KIAA1671: variants seen among roughly 807,000 people sequenced by gnomAD.
KIAA1671 encodes the protein uncharacterized protein KIAA1671.
In KIAA1671, 52 loss-of-function variants were observed where a neutral mutation model predicts 131.2. That is an observed-to-expected ratio of 0.40 (90% CI 0.32 to 0.50). The LOEUF is 0.50. Ranked by LOEUF, KIAA1671 falls within the 20% of genes least tolerant of loss-of-function variation. The pLI is 0.73. For missense variants in KIAA1671, 2,360 were observed against 2,364.2 expected, an observed-to-expected ratio of 1.00 and a Z score of 0.04; for synonymous variants, 1,003 against 961.6, an observed-to-expected ratio of 1.04 and a Z score of -0.80.
intron 6 of KIAA1671, among the ~76,000 whole-genome samples, chr22:25,085,881 A>G (rs1929692557): frequency 6.6e-6 from 1 of 152,096 alleles, no homozygotes; most frequent in African/African-American, 2.4e-5. Flanking sequence ...CATAGTAGGC[A>G]CTCAATAAAT....
Position 25,185,054 on chromosome 22 carries a change from G to C in KIAA1671, c.5277G>C (p.Lys1759Asn), listed in dbSNP as rs1242025868. The part of the protein sequence containing the change: ...PSWAPQPKSP[K>N]SPFQPGVLGS... ...GGGCACCCCAACCCAAGAGCCCCAA[G>C]TCCCCCTTCCAGCCTGGGGTGCTGG... is the stretch of plus-strand genomic sequence containing the variant. Residue 1759 changes from lysine (K) to asparagine (N), a missense_variant, in exon 11 of 13, where the codon AAG (lysine) becomes AAC (asparagine). Lys to Asn is a moderately conservative substitution (Grantham distance 94). Around this residue, in one of 3 missense-constraint regions of KIAA1671, gnomAD observed 1,161 missense variants for 1,204.7 expected, o/e 0.96. Transcript: ENST00000358431. 1.9e-6 allele frequency: 3 copies of C among 1,551,522 alleles called. No homozygotes were observed. In the Admixed American group the frequency reaches 5.9e-5, roughly 30 times the overall value.
At chr22:25,035,874 T>C (rs1252803168) in intron 4 of KIAA1671, among the ~76,000 whole-genome samples, 1 of 152,156 alleles carries the variant, frequency 6.6e-6, no homozygotes, top group Non-Finnish European at 1.5e-5. Flanking sequence ...AAGTAGACTT[T>C]ATGTGTGTGT....
chr22:24,989,767 A>G (rs1253441694), intron 1 of KIAA1671, among the ~76,000 whole-genome samples: 2 of 151,950 alleles, frequency 1.3e-5, no homozygotes, highest in Non-Finnish European at 2.9e-5. Context: ...AACACGCACT[A>G]TTGTCTTAGC....
Position 25,181,906 on chromosome 22 carries a change from A to G in KIAA1671, c.5199+83A>G, listed in dbSNP as rs1038247646. The G allele has an allele frequency of 2.3e-5, 34 of 1,459,814 alleles. No individual in the cohort carries two copies. Among genetic ancestry groups the G allele is most frequent in the Non-Finnish European group, 3.0e-5 (32 of 1,082,646 alleles). 90.4% of individuals were successfully genotyped at this position (1,459,814 alleles called of 1,614,324 possible). A position where few individuals can be genotyped will look rare whatever the true frequency, so the allele number is the denominator to read the frequency against. On this transcript the variant is annotated intron_variant, in intron 10 of 12. Coordinates refer to ENST00000358431, the MANE Select transcript of KIAA1671 (RefSeq NM_001145206.2). The stretch of plus-strand genomic sequence containing the variant: ...TAAAGAATAGATTCCGGCTGGGTGC[A>G]GTGGCTCACGCCTGTAATCCCAGCA...
chr22:25,040,191 G>T lies in KIAA1671; in HGVS notation c.3061G>T (p.Val1021Leu). The T allele has an allele frequency of 6.4e-7, 1 of 1,551,760 alleles. No individual in the cohort carries two copies. The highest frequency in any genetic ancestry group is 1.2e-5 in the South Asian group (1 of 84,064). The change falls in exon 5 of 13, where the codon GTG (valine) becomes TTG (leucine). Residue 1021 changes from valine to leucine, a missense_variant. Coordinates refer to ENST00000358431, the MANE Select transcript of KIAA1671 (RefSeq NM_001145206.2). ...TSPAVKQGSPVEPKATFFAVT... is the reference protein window; with the variant it reads ...TSPAVKQGSPLEPKATFFAVT... ...CCCAGCAGTGAAGCAAGGGTCACCTGTGGAACCCAAGGCGACATTTTTTGC... is the reference window on the plus strand; with the variant it reads ...CCCAGCAGTGAAGCAAGGGTCACCTTTGGAACCCAAGGCGACATTTTTTGC...
At chr22:24,981,898 C>T (rs1923253817) in intron 1 of KIAA1671, among the ~76,000 whole-genome samples, 2 of 152,286 alleles carry the variant, frequency 1.3e-5, no homozygotes, top group Admixed American at 6.5e-5. Flanking sequence ...CACAGCAAAA[C>T]TCTGTCTAAC....
intron 6 of KIAA1671, among the ~76,000 whole-genome samples, chr22:25,109,213 G>A (rs772030419): frequency 1.3e-4 from 19 of 151,930 alleles, no homozygotes; most frequent in Non-Finnish European, 1.9e-4. Context: ...GGGTTCAAGC[G>A]ATTCTCCTGC....
At chr22:25,005,783 T>G (rs1924719657) in intron 1 of KIAA1671, among the ~76,000 whole-genome samples, 1 of 152,230 alleles carries the variant, frequency 6.6e-6, no homozygotes, top group African/African-American at 2.4e-5. Flanking sequence ...ATCAGCCCTG[T>G]GTCTTCTCTG....
At position 25,144,007 on chromosome 22, in the gene KIAA1671, TA is replaced by T. The variant is rs111975991; in HGVS notation, c.4531-26802del. ...GCAACATAGCAAGATCCCATCTGTA[TA>T]AAAAAAAAAATGAACTAAAAAAAAT... On this transcript the variant is annotated intron_variant, in intron 6 of 12. Coordinates refer to ENST00000358431, the MANE Select transcript of KIAA1671 (RefSeq NM_001145206.2). Among the ~76,000 whole-genome samples the T allele has an allele frequency of 2.4e-3, 353 of 146,414 alleles. 5 individuals are homozygous for T. The highest frequency in any genetic ancestry group is 7.0e-3 in the Middle Eastern group (2 of 284).
At chr22:25,136,893 G>C (rs1205137672) in intron 6 of KIAA1671, among the ~76,000 whole-genome samples, 5 of 152,130 alleles carry the variant, frequency 3.3e-5, no homozygotes, top group Non-Finnish European at 7.4e-5. Context: ...CCATTAAAAG[G>C]GTACATTTTT....
chr22:25,090,727 A>G (rs1929988508), intron 6 of KIAA1671, among the ~76,000 whole-genome samples: 1 of 152,144 alleles, frequency 6.6e-6, no homozygotes, highest in South Asian at 2.1e-4. Flanking sequence ...ATCAAGCAAT[A>G]TTGTTATCAT....
chr22:25,093,929 G>A (rs1487510175), intron 6 of KIAA1671, among the ~76,000 whole-genome samples: 10 of 143,360 alleles, frequency 7.0e-5, no homozygotes, highest in Non-Finnish European at 1.3e-4. Flanking sequence ...CAGTGATGCT[G>A]GTTTGCAGGC....
chr22:25,039,810 C>A lies in KIAA1671; in HGVS notation c.2680C>A (p.Pro894Thr). 1 of 1,525,532 alleles carries A rather than the reference C, an allele frequency of 6.6e-7. No individual in the cohort carries two copies. The highest frequency in any genetic ancestry group is 8.8e-7 in the Non-Finnish European group (1 of 1,132,116). The allele number at this position is 1,525,532 out of a possible 1,614,324, so 94.5% of individuals were successfully genotyped here. A position where few individuals can be genotyped will look rare whatever the true frequency, so the allele number is the denominator to read the frequency against. ...TCCTCTTTCCAGGGCTACGAATGGG[C>A]CTTCTGACTCCCAAGCACGAACACA... Reference protein sequence around the residue: ...LDPLSRATNGPSDSQARTHPD... With the variant: ...LDPLSRATNGTSDSQARTHPD... Residue 894 changes from proline to threonine, a missense_variant, in exon 5 of 13, where the codon CCT becomes ACT. This residue lies in a region of KIAA1671 where 1,161 missense variants were observed against 1,204.7 expected (regional missense o/e 0.96). Coordinates refer to ENST00000358431, the MANE Select transcript of KIAA1671 (RefSeq NM_001145206.2).
At chr22:25,123,972 A>T (rs989964076) in intron 6 of KIAA1671, among the ~76,000 whole-genome samples, 3 of 152,176 alleles carry the variant, frequency 2.0e-5, no homozygotes, top group African/African-American at 7.2e-5. Flanking sequence ...AGATGAGTAA[A>T]TTGAGGTGGG....
At chr22:25,184,256 G>A (rs536039813) in intron 10 of KIAA1671, among the ~76,000 whole-genome samples, 14 of 152,192 alleles carry the variant, frequency 9.2e-5, no homozygotes, top group South Asian at 4.1e-4. Flanking sequence ...GGGCTCTCTC[G>A]CCCTGTAAAA....
chr22:25,011,128 C>T (rs1051318134), intron 1 of KIAA1671: 6 of 151,574 alleles, frequency 4.0e-5, no homozygotes. Flanking sequence ...AGGCACCTGC[C>T]ACCATGCCTT....
rs569832075 is a variant in KIAA1671, at chr22:25,041,144, T to G, written c.4014T>G (p.Val1338=). ...DRKAFASKHH[V]AKCQNYLAES... is the part of the protein sequence containing the mutation. ...AGGCCTTTGCCAGTAAACATCATGT[T>G]GCAAAGTGTCAGAATTACCTGGCTG... The change falls in exon 5 of 13, where the codon GTT becomes GTG. Residue 1338 remains valine (V), a synonymous_variant. Coordinates refer to ENST00000358431, the MANE Select transcript of KIAA1671 (RefSeq NM_001145206.2). 6 of 1,551,094 alleles carry G rather than the reference T, an allele frequency of 3.9e-6. No individual in the cohort carries two copies. Among genetic ancestry groups the G allele is most frequent in the Non-Finnish European group, 5.2e-6 (6 of 1,146,706 alleles).
In KIAA1671 at chr22:25,194,731, C is replaced by CT. The variant is rs1934769993; in HGVS notation, c.*2334dup. 1 of 152,202 alleles carries CT rather than the reference C, an allele frequency of 6.6e-6. No individual in the cohort carries two copies. The highest frequency in any genetic ancestry group is 6.5e-5 in the Admixed American group (1 of 15,290). 9.4% of individuals were successfully genotyped at this position (152,202 alleles called of 1,614,324 possible). On this transcript the variant is annotated 3_prime_UTR_variant, in exon 13 of 13. Coordinates refer to ENST00000358431, the MANE Select transcript of KIAA1671 (RefSeq NM_001145206.2). ...AAGCCCTGAAGATCTTCCTCACCTCCTTTTATTTTTCTATAACCTTGTCTC... is the reference window on the plus strand; with the variant it reads ...AAGCCCTGAAGATCTTCCTCACCTCCTTTTTATTTTTCTATAACCTTGTCTC...
Position 25,087,258 on chromosome 22 carries a change from T to C in KIAA1671, c.4530+37894T>C, listed in dbSNP as rs1409626073. On this transcript the variant is annotated intron_variant, in intron 6 of 12. Transcript: ENST00000358431. ...ATCTGCCCACTCTTAGAGATTTAGT[T>C]TGGAATCAGTGGATACCCAGAAACA... Among the ~76,000 whole-genome samples the C allele has an allele frequency of 5.9e-5, 9 of 151,782 alleles. No homozygotes were observed. In the East Asian group the frequency reaches 1.6e-3, roughly 26 times the overall value.
Sources: gnomAD v4.1 joint callset for allele counts (sites outside exome capture counted in the v4.1 genomes callset) on GRCh38, gnomAD v4.1.1 for gene constraint, gnomAD v4.1.1 regional missense constraint, MANE v1.5 for transcripts, NCBI Gene and HGNC (gene_info 2026-07-23, HGNC 2026-07-21) for gene names.